MED24: variants seen among roughly 807,000 people sequenced by gnomAD.
MED24 encodes mediator complex subunit 24.
A neutral mutation model predicts 118.8 loss-of-function variants in MED24; 74 were observed. The ratio of observed to expected loss-of-function variants is 0.62; its 90% CI spans 0.52 to 0.76. The LOEUF (loss-of-function observed/expected upper bound fraction) is 0.76. Among genes scored for constraint, MED24 ranks in the 30% least tolerant of loss-of-function variants. MED24 has a pLI of 0.00. For missense variants in MED24, 1,041 were observed against 1,278.9 expected (o/e 0.81, Z 2.84); for synonymous variants, 521 against 523.9 (o/e 0.99, Z 0.08).
chr17:40,022,524 GC>G, intron 21 of MED24, 40 bp from the exon 22 acceptor site: 4 of 1,591,798 alleles, frequency 2.5e-6, no homozygotes, highest in Non-Finnish European at 3.4e-6. Flanking sequence ...AGTGAGAGGT[GC>G]CCCAGGAGCT....
Position 40,031,059 on chromosome 17 carries a change from C to A in MED24, c.1154+100G>T, listed in dbSNP as rs1983311107. The A allele has an allele frequency of 5.0e-6, 6 of 1,202,524 alleles. No homozygotes were observed. The Admixed American group carries it at 1.2e-4, about 24-fold the overall frequency. 74.5% of individuals were successfully genotyped at this position (1,202,524 alleles called of 1,614,324 possible). On this transcript the variant is annotated intron_variant, in intron 12 of 25. Coordinates refer to ENST00000394128, the MANE Select transcript of MED24 (RefSeq NM_014815.4). The stretch of plus-strand genomic sequence containing the variant: ...AGGCACGGTCCCAGTCACTTGCAGC[C>A]CAAACTTTCGACAGGAGGTTGAAAG...
At position 40,033,910 on chromosome 17, in the gene MED24, G is replaced by A; in HGVS notation, c.560-454C>T. On this transcript the variant is annotated intron_variant, in intron 6 of 25. Transcript: ENST00000394128. The surrounding 1 kb of genome is among the most constrained non-coding windows in gnomAD (Gnocchi z 5.2). ...CATTCTCAACCACTCCCTCATCTAG[G>A]CATTGCGTTTGCTGCCCTCCCCTGC... 1 of 368,162 alleles carries A rather than the reference G, an allele frequency of 2.7e-6. No individual in the cohort carries two copies. The highest frequency in any genetic ancestry group is 5.4e-6 in the Non-Finnish European group (1 of 185,334). The allele number at this position is 368,162 out of a possible 1,614,324, so 22.8% of individuals were successfully genotyped here. A position where few individuals can be genotyped will look rare whatever the true frequency, so the allele number is the denominator to read the frequency against.
chr17:40,022,058 G>A lies in MED24; in HGVS notation c.2524-4C>T. 2 of 1,593,604 alleles carry A rather than the reference G, an allele frequency of 1.3e-6. No individual in the cohort carries two copies. Among genetic ancestry groups the A allele is most frequent in the African/African-American group, 2.7e-5 (2 of 74,236 alleles). On this transcript the variant is annotated splice_polypyrimidine_tract_variant and splice_region_variant and intron_variant, in intron 22 of 25. Transcript: ENST00000394128. ...GGGGGAAGAGGCTGATATAATCCTA[G>A]AGGGAGTGAAAGTCACTGTTATACA... is the stretch of plus-strand genomic sequence containing the variant.
intron 3 of MED24, among the ~76,000 whole-genome samples, chr17:40,036,592 G>T (rs998919561): frequency 7.3e-5 from 11 of 150,052 alleles, no homozygotes. Context: ...GGAGGCTGAG[G>T]TAGGAGAATC....
chr17:40,031,975 G>A, intron 10 of MED24, 68 bp downstream of exon 10: 1 of 1,530,872 alleles, frequency 6.5e-7, no homozygotes, highest in Non-Finnish European at 9.0e-7. Flanking sequence ...TGCCCAGCTG[G>A]GGCCTGAAGG....
chr17:40,031,293 GT>G (rs1232823489), intron 11 of MED24, 48 bp from the exon 12 acceptor site: 9 of 1,512,866 alleles, frequency 5.9e-6, no homozygotes, highest in African/African-American at 1.4e-5. Flanking sequence ...GGATAGGATG[GT>G]GAGGGGTGGG....
chr17:40,020,753 G>C, intron 23 of MED24: 1 of 337,834 alleles, frequency 3.0e-6, no homozygotes, highest in South Asian at 2.3e-5. Context: ...CTGCACTCCA[G>C]CCTGAGCAAC....
intron 3 of MED24, among the ~76,000 whole-genome samples, chr17:40,043,544 CT>C (rs1238582406): frequency 2.0e-5 from 3 of 151,938 alleles, no homozygotes. Flanking sequence ...CAGTTTTATC[CT>C]TTTTTTCCCT....
At chr17:40,035,589 G>C (rs1450863879) in intron 5 of MED24, 133 bp downstream of exon 5, 2 of 986,760 alleles carry the variant, frequency 2.0e-6, no homozygotes, top group African/African-American at 1.6e-5. Flanking sequence ...GCACAGGTAA[G>C]TGTAGATGGG....
chr17:40,047,523 G>A (rs113155702), intron 3 of MED24, among the ~76,000 whole-genome samples: 97 of 151,980 alleles, frequency 6.4e-4, no homozygotes, highest in African/African-American at 2.2e-3. Flanking sequence ...CTGGCCAGGC[G>A]TGGTGGAGGA....
chr17:40,028,047 G>A, intron 14 of MED24, 101 bp from the exon 15 acceptor site: 4 of 1,206,104 alleles, frequency 3.3e-6, no homozygotes, highest in Non-Finnish European at 4.9e-6. Flanking sequence ...TAGAGTCTGA[G>A]TTACTGGTTA....
At chr17:40,022,515 G>C in intron 21 of MED24, 31 bp from the exon 22 acceptor site, 1 of 1,596,228 alleles carries the variant, frequency 6.3e-7, no homozygotes. Context: ...AAGGGGGACA[G>C]TGAGAGGTGC....
In MED24 at chr17:40,026,844, C is replaced by T. The variant is rs1474639424; in HGVS notation, c.1709+12G>A. Reference sequence around the variant, plus strand: ...CACCGCCACCCTTGGAGTGGGCGCCCGGGCCACTGACACTAGCTTCATCTC... The same window carrying T: ...CACCGCCACCCTTGGAGTGGGCGCCTGGGCCACTGACACTAGCTTCATCTC... On this transcript the variant is annotated intron_variant, in intron 17 of 25. Transcript: ENST00000394128. The T allele has an allele frequency of 5.6e-6, 9 of 1,611,218 alleles. No homozygotes were observed. Among genetic ancestry groups the T allele is most frequent in the South Asian group, 5.5e-5 (5 of 91,034 alleles).
At chr17:40,032,561 G>T in intron 9 of MED24, 88 bp downstream of exon 9, 1 of 1,015,232 alleles carries the variant, frequency 9.8e-7, no homozygotes, top group South Asian at 1.5e-5. Context: ...TGCCCGCAGG[G>T]AGGAACACAG....
chr17:40,041,387 G>A (rs1984548293), intron 3 of MED24, among the ~76,000 whole-genome samples: 1 of 152,108 alleles, frequency 6.6e-6, no homozygotes, highest in African/African-American at 2.4e-5. Context: ...TGGTTCCTCA[G>A]GAAGTTGGGT....
At chr17:40,045,788 T>G (rs1033005800) in intron 3 of MED24, among the ~76,000 whole-genome samples, 8 of 151,482 alleles carry the variant, frequency 5.3e-5, no homozygotes, top group African/African-American at 7.3e-5. Flanking sequence ...ACACATTTTG[T>G]TTTTTTTGAG....
In MED24 at chr17:40,027,302, G is replaced by A. The variant is rs1982784756; in HGVS notation, c.1530+81C>T. ...AGAACTAACTGGCTGAGAGGCTGCGGGGGCGCAGGCAGTGAGGTGGGGAGA... is the reference window on the plus strand; with the variant it reads ...AGAACTAACTGGCTGAGAGGCTGCGAGGGCGCAGGCAGTGAGGTGGGGAGA... On this transcript the variant is annotated intron_variant, in intron 16 of 25. Transcript: ENST00000394128. The A allele has an allele frequency of 5.5e-6, 8 of 1,451,568 alleles. No individual in the cohort carries two copies. In the East Asian group the frequency reaches 2.0e-4, roughly 36 times the overall value. 89.9% of individuals were successfully genotyped at this position (1,451,568 alleles called of 1,614,324 possible).
intron 24 of MED24, 94 bp from the exon 25 acceptor site, chr17:40,020,027 AAC>A (rs1322645118): frequency 6.9e-7 from 1 of 1,445,756 alleles, no homozygotes. Flanking sequence ...AGGGAAAAGA[AAC>A]ACATGCTGAG....
rs56369434 is a variant in MED24, at chr17:40,019,205, T to A, written c.*324A>T. On this transcript the variant is annotated 3_prime_UTR_variant, in exon 26 of 26. Transcript: ENST00000394128. ...ACACACACACACACACACACACACA[T>A]ACACACTTTGCATCTAGAAAGTTCC... 4.5e-6 allele frequency: 1 copy of A among 221,628 alleles called. No individual in the cohort carries two copies. The allele number at this position is 221,628 out of a possible 1,614,324, so 13.7% of individuals were successfully genotyped here.
Sources: allele counts gnomAD v4.1 joint callset (sites outside exome capture counted in the v4.1 genomes callset), GRCh38; gene constraint gnomAD v4.1.1; non-coding constraint Gnocchi (gnomAD v3.1); transcripts MANE v1.5; gene names NCBI Gene and HGNC (gene_info 2026-07-23, HGNC 2026-07-21).